Variants in METTL15 observed in about 807,000 individuals in gnomAD.
The protein encoded by METTL15 is 12S rRNA N(4)-cytidine methyltransferase METTL15.
A neutral mutation model predicts 38.3 loss-of-function variants in METTL15; 34 were observed. That is an observed-to-expected ratio of 0.89 (90% CI 0.68 to 1.18). The LOEUF (loss-of-function observed/expected upper bound fraction) is 1.18, where lower values mean the gene tolerates loss of function less well. Among genes scored for constraint, METTL15 ranks in the 50% most tolerant of loss-of-function variants. The probability of loss-of-function intolerance (pLI) is 0.00; values close to 1 mark genes in which losing one functional copy is unlikely to be tolerated. For synonymous variants in METTL15, 162 were observed against 170.9 expected (o/e 0.95, Z 0.41); for missense variants, 438 against 498.4 (o/e 0.88, Z 1.15).
chr11:28,288,704 C>G (rs796829062), intron 4 of METTL15, among the ~76,000 whole-genome samples: 4 of 152,180 alleles, frequency 2.6e-5, no homozygotes, highest in African/African-American at 9.6e-5. Context: ...GGAAAAATAA[C>G]TAATGGATAC....
At chr11:28,300,713 C>T (rs953376294) in intron 6 of METTL15, among the ~76,000 whole-genome samples, 2 of 152,122 alleles carry the variant, frequency 1.3e-5, no homozygotes, top group Non-Finnish European at 1.5e-5. Flanking sequence ...GAACTACTGG[C>T]CGTGAATCTT....
chr11:28,508,387 G>A (rs182293850), intron 6 of METTL15, among the ~76,000 whole-genome samples: 30 of 152,252 alleles, frequency 2.0e-4, no homozygotes, highest in Admixed American at 1.2e-3. Context: ...GTTAATGAAT[G>A]ACTGCATGAA....
intron 6 of METTL15, among the ~76,000 whole-genome samples, chr11:28,476,474 A>G (rs1356349605): frequency 6.6e-6 from 1 of 152,116 alleles, no homozygotes; most frequent in Middle Eastern, 3.2e-3. Context: ...GCTGTGAGGT[A>G]TTTGTATTCA....
chr11:28,428,812 T>G (rs1029707633), intron 6 of METTL15, among the ~76,000 whole-genome samples: 12 of 152,184 alleles, frequency 7.9e-5, no homozygotes, highest in Non-Finnish European at 1.8e-4. Context: ...CCTATCTTTA[T>G]TTCTTTCCCA....
At chr11:28,388,703 T>C (rs940497888) in intron 5 of METTL15, among the ~76,000 whole-genome samples, 2 of 152,170 alleles carry the variant, frequency 1.3e-5, no homozygotes, top group African/African-American at 4.8e-5. Context: ...TATTATACTT[T>C]AACTTTTAGG....
At chr11:28,305,416 G>A (rs1406058267) in intron 6 of METTL15, among the ~76,000 whole-genome samples, 1 of 152,122 alleles carries the variant, frequency 6.6e-6, no homozygotes, top group African/African-American at 2.4e-5. Flanking sequence ...TCATTTTCTT[G>A]TATTAACTCA....
At chr11:28,268,682 G>T (rs918359951) in intron 4 of METTL15, among the ~76,000 whole-genome samples, 3 of 152,096 alleles carry the variant, frequency 2.0e-5, no homozygotes, top group Admixed American at 2.0e-4. Context: ...GTTTATTTGA[G>T]AAATATCCTT....
At chr11:28,365,823 G>A (rs1186166551) in intron 5 of METTL15, among the ~76,000 whole-genome samples, 3 of 152,092 alleles carry the variant, frequency 2.0e-5, no homozygotes, top group East Asian at 1.9e-4. Flanking sequence ...AGGCTGAGGC[G>A]GGCAGATCAT....
At chr11:28,172,059 C>G (rs1292237621) in intron 3 of METTL15, among the ~76,000 whole-genome samples, 1 of 152,128 alleles carries the variant, frequency 6.6e-6, no homozygotes, top group Non-Finnish European at 1.5e-5. Flanking sequence ...TCTCAGCCTT[C>G]CGAAGTGTTG....
intron 3 of METTL15, among the ~76,000 whole-genome samples, chr11:28,201,134 A>G (rs1852097577): frequency 6.6e-6 from 1 of 152,136 alleles, no homozygotes; most frequent in Non-Finnish European, 1.5e-5. Flanking sequence ...GTTGAATTTT[A>G]TCAAAGGCCT....
chr11:28,351,300 C>A (rs932697664), intron 3 of METTL15, among the ~76,000 whole-genome samples: 1 of 151,978 alleles, frequency 6.6e-6, no homozygotes, highest in Non-Finnish European at 1.5e-5. Flanking sequence ...TTAGTAGAAA[C>A]GGGTTTCACT....
intron 5 of METTL15, among the ~76,000 whole-genome samples, chr11:28,408,544 AT>A (rs949302729): frequency 3.3e-5 from 5 of 152,218 alleles, no homozygotes; most frequent in Non-Finnish European, 7.3e-5. Flanking sequence ...TTGTAAAAAA[AT>A]AGTTAATAAT....
chr11:28,362,890 A>G (rs1001538989), intron 5 of METTL15, among the ~76,000 whole-genome samples: 2 of 152,210 alleles, frequency 1.3e-5, no homozygotes, highest in Non-Finnish European at 2.9e-5. Flanking sequence ...TATGCCCACA[A>G]ATGAACAGAG....
chr11:28,287,434 A>G, intron 4 of METTL15: 1 of 422,620 alleles, frequency 2.4e-6, no homozygotes, highest in South Asian at 1.8e-5. Context: ...CCTGCCTGTG[A>G]GGTTCACAAC....
intron 3 of METTL15, among the ~76,000 whole-genome samples, chr11:28,177,979 G>A (rs749551681): frequency 9.2e-5 from 14 of 152,056 alleles, no homozygotes; most frequent in African/African-American, 2.2e-4. Flanking sequence ...TTATTACATT[G>A]CTGATTTGGT....
chr11:28,499,644 C>A (rs1851565554), intron 6 of METTL15, among the ~76,000 whole-genome samples: 1 of 152,118 alleles, frequency 6.6e-6, no homozygotes. Context: ...CTGAGAGTGA[C>A]TGCTGAATAA....
At chr11:28,474,664 A>G (rs952211412) in intron 6 of METTL15, among the ~76,000 whole-genome samples, 2 of 152,188 alleles carry the variant, frequency 1.3e-5, no homozygotes, top group Non-Finnish European at 2.9e-5. Flanking sequence ...CCCCACACCA[A>G]AGAAGAGCGG....
rs888026836 is a variant in METTL15, at chr11:28,519,711, T to C, written c.*425-6767T>C. On this transcript the variant is annotated intron_variant and NMD_transcript_variant, in intron 6 of 7. Transcript: ENST00000532947. ...ATCTTCAAACTAGAGCAGCTGTACT[T>C]TTTTTCTCCTTCACATATTGAGCTC... is the stretch of plus-strand genomic sequence containing the variant. Among the ~76,000 whole-genome samples the C allele has an allele frequency of 4.6e-5, 7 of 152,138 alleles. No individual in the cohort carries two copies. The South Asian group carries it at 6.2e-4, about 14-fold the overall frequency.
chr11:28,235,457 T>A lies in METTL15; in HGVS notation c.407+24259T>A, dbSNP rs555255844. 2.0e-5 allele frequency among the ~76,000 whole-genome samples: 3 copies of A among 152,176 alleles called. No individual in the cohort carries two copies. The South Asian group carries it at 6.2e-4, about 32-fold the overall frequency. On this transcript the variant is annotated intron_variant, in intron 4 of 6. Coordinates refer to ENST00000407364, the MANE Select transcript of METTL15 (RefSeq NM_001113528.2). Reference sequence around the variant, plus strand: ...CCATGAGCATGGAATGCTCTTCCATTTGTTTGTATCCTCTTTTATTTCCTT... The same window carrying A: ...CCATGAGCATGGAATGCTCTTCCATATGTTTGTATCCTCTTTTATTTCCTT...
Sources: gnomAD v4.1 joint callset for allele counts (sites outside exome capture counted in the v4.1 genomes callset) on GRCh38, gnomAD v4.1.1 for gene constraint, MANE v1.5 for transcripts, NCBI Gene and HGNC (gene_info 2026-07-23, HGNC 2026-07-21) for gene names.